NCEH1: variants seen among roughly 807,000 people sequenced by gnomAD.
NCEH1 encodes the protein neutral cholesterol ester hydrolase 1, also known as 2-acetyl MAGE hydrolase.
A neutral mutation model predicts 25.4 loss-of-function variants in NCEH1; 9 were observed. The observed-to-expected ratio is 0.35, with a 90% CI of 0.21 to 0.62. The LOEUF is 0.62. Among genes scored for constraint, NCEH1 ranks in the 20% least tolerant of loss-of-function variants. The pLI, the probability that NCEH1 is intolerant of heterozygous loss-of-function variation, is 0.72. For synonymous variants in NCEH1, 200 were observed against 199.8 expected (o/e 1.00, Z -0.01); for missense variants, 412 against 501.1 (o/e 0.82, Z 1.70).
chr3:172,680,985 C>T (rs1454821743), intron 1 of NCEH1: 2 of 122,132 alleles, frequency 1.6e-5, no homozygotes, highest in Non-Finnish European at 3.3e-5. Flanking sequence ...TGAGACATTT[C>T]AGCCTCTAGA....
At chr3:172,695,609 G>T (rs1324771524) in intron 1 of NCEH1, among the ~76,000 whole-genome samples, 1 of 152,112 alleles carries the variant, frequency 6.6e-6, no homozygotes, top group East Asian at 1.9e-4. Flanking sequence ...TAACAAGGTT[G>T]GTATAAATAT....
chr3:172,707,785 A>G (rs974646777), intron 1 of NCEH1, among the ~76,000 whole-genome samples: 7 of 152,156 alleles, frequency 4.6e-5, no homozygotes, highest in Admixed American at 4.6e-4. Context: ...ACGAGGTTTC[A>G]CCGTATTAGC....
intron 1 of NCEH1, among the ~76,000 whole-genome samples, chr3:172,675,775 G>C (rs1268402651): frequency 1.3e-5 from 2 of 152,198 alleles, no homozygotes; most frequent in Admixed American, 6.5e-5. Context: ...GTAATGTACA[G>C]CGACATCTAG....
At chr3:172,675,107 C>T (rs1177243888) in intron 1 of NCEH1, among the ~76,000 whole-genome samples, 5 of 152,032 alleles carry the variant, frequency 3.3e-5, no homozygotes, top group Admixed American at 2.0e-4. Context: ...ATCAGGAGTT[C>T]GAGACCAGCC....
intron 2 of NCEH1, among the ~76,000 whole-genome samples, chr3:172,646,669 C>G (rs1175754729): frequency 6.6e-6 from 1 of 152,106 alleles, no homozygotes; most frequent in Non-Finnish European, 1.5e-5. Flanking sequence ...TACATAGACA[C>G]CTGTTACCTC....
chr3:172,659,934 G>A (rs1271345454), intron 1 of NCEH1, among the ~76,000 whole-genome samples: 1 of 151,776 alleles, frequency 6.6e-6, no homozygotes, highest in Non-Finnish European at 1.5e-5. Flanking sequence ...AGATAGAGAG[G>A]AGTTCTTGGT....
intron 1 of NCEH1, among the ~76,000 whole-genome samples, chr3:172,671,367 T>A (rs1711608465): frequency 1.3e-5 from 2 of 152,194 alleles, no homozygotes; most frequent in Admixed American, 1.3e-4. Flanking sequence ...TAATTCACTT[T>A]GAGTTCTTCA....
At position 172,689,251 on chromosome 3, in the gene NCEH1, C is replaced by CTTTTTT. The variant is rs34888694; in HGVS notation, c.138+21590_138+21595dup. On this transcript the variant is annotated intron_variant, in intron 1 of 4. Transcript: ENST00000475381. ...TACCTCATGAAATGACTTGGAGTAA[C>CTTTTTT]TTTTTTTTTTTTTTTTTTTTTTTTG... Among the ~76,000 whole-genome samples, 12 of 80,920 alleles carry CTTTTTT rather than the reference C, an allele frequency of 1.5e-4. 1 individual carries two copies. Among genetic ancestry groups the CTTTTTT allele is most frequent in the African/African-American group, 3.1e-4 (6 of 19,262 alleles). The allele number at this position is 80,920 out of a possible 152,430, so 53.1% of individuals were successfully genotyped here.
intron 1 of NCEH1, among the ~76,000 whole-genome samples, chr3:172,694,851 G>T (rs1381960888): frequency 6.6e-6 from 1 of 152,060 alleles, no homozygotes; most frequent in African/African-American, 2.4e-5. Context: ...TTCATTCAGG[G>T]GATTTCATGG....
At chr3:172,665,558 C>T (rs950232159) in intron 1 of NCEH1, among the ~76,000 whole-genome samples, 12 of 152,226 alleles carry the variant, frequency 7.9e-5, no homozygotes, top group Non-Finnish European at 2.9e-5. Flanking sequence ...GTTTCTGCTG[C>T]CTTTTGTTCA....
intron 1 of NCEH1, among the ~76,000 whole-genome samples, chr3:172,666,790 A>T (rs927738523): frequency 3.3e-5 from 5 of 152,104 alleles, no homozygotes; most frequent in Admixed American, 3.3e-4. Context: ...TCTGTCTGCG[A>T]TCTCTTACTT....
chr3:172,685,419 T>A (rs754043792), intron 1 of NCEH1, among the ~76,000 whole-genome samples: 31 of 152,194 alleles, frequency 2.0e-4, no homozygotes, highest in Non-Finnish European at 4.1e-4. Flanking sequence ...TCCCTAAGGC[T>A]TCAATCTTAA....
chr3:172,635,430 G>T (rs1716555129), intron 4 of NCEH1, among the ~76,000 whole-genome samples: 1 of 152,108 alleles, frequency 6.6e-6, no homozygotes, highest in South Asian at 2.1e-4. Flanking sequence ...ACCAGGTAAA[G>T]CTCATAGTAA....
intron 3 of NCEH1, among the ~76,000 whole-genome samples, chr3:172,639,977 C>G (rs929899462): frequency 6.6e-6 from 1 of 152,236 alleles, no homozygotes; most frequent in Non-Finnish European, 1.5e-5. Flanking sequence ...GAACTGGGAT[C>G]TGAACTCACA....
At chr3:172,697,257 G>A (rs1194860336) in intron 1 of NCEH1, among the ~76,000 whole-genome samples, 2 of 151,930 alleles carry the variant, frequency 1.3e-5, no homozygotes, top group Non-Finnish European at 2.9e-5. Flanking sequence ...AAATACTGAG[G>A]CCATTAGCCT....
chr3:172,701,449 C>CTT (rs10701435), intron 1 of NCEH1, among the ~76,000 whole-genome samples: 1,199 of 110,942 alleles, frequency 0.011, 71 homozygotes, highest in South Asian at 0.032. Context: ...GGTCTTTTGC[C>CTT]TTTTTTTTTT....
At chr3:172,694,378 ATGTGTGTGTGTGTGTCTGTGTG>A (rs1237171494) in intron 1 of NCEH1, among the ~76,000 whole-genome samples, 15 of 151,350 alleles carry the variant, frequency 9.9e-5, no homozygotes, top group African/African-American at 3.7e-4. Flanking sequence ...AGTTATATAT[ATGTGTGTGTGTGTGTCTGTGTG>A]TGTGTGTGTG....
At chr3:172,641,352 G>A (rs1052792040) in intron 3 of NCEH1, among the ~76,000 whole-genome samples, 2 of 152,156 alleles carry the variant, frequency 1.3e-5, no homozygotes, top group Middle Eastern at 3.2e-3. Context: ...TTGTACTCAA[G>A]GACTTCACCT....
intron 1 of NCEH1, among the ~76,000 whole-genome samples, chr3:172,691,745 C>T (rs112749397): frequency 4.7e-3 from 714 of 151,570 alleles, no homozygotes; most frequent in South Asian, 0.025. Context: ...GTCAGGAGAT[C>T]GAGACCATCC....
Sources: allele counts gnomAD v4.1 joint callset (sites outside exome capture counted in the v4.1 genomes callset), GRCh38; gene constraint gnomAD v4.1.1; transcripts MANE v1.5; gene names NCBI Gene and HGNC (gene_info 2026-07-23, HGNC 2026-07-21).